SLC35F3: variants seen among roughly 807,000 people sequenced by gnomAD.
The protein encoded by SLC35F3 is solute carrier family 35 member F3, also known as putative thiamine transporter SLC35F3.
SLC35F3 carries 25 observed loss-of-function variants against 49.9 expected under a neutral mutation model. That is an observed-to-expected ratio of 0.50 (90% CI 0.37 to 0.70). The LOEUF (loss-of-function observed/expected upper bound fraction) is 0.70. Ranked by LOEUF, SLC35F3 falls within the 30% of genes least tolerant of loss-of-function variation. SLC35F3 has a pLI of 0.00. For synonymous variants in SLC35F3, 275 were observed against 265.4 expected, an observed-to-expected ratio of 1.04 and a Z score of -0.35; for missense variants, 525 against 639.8, an observed-to-expected ratio of 0.82 and a Z score of 1.94.
At chr1:234,138,217 A>T (rs1347505173) in intron 2 of SLC35F3, among the ~76,000 whole-genome samples, 1 of 152,188 alleles carries the variant, frequency 6.6e-6, no homozygotes, top group Non-Finnish European at 1.5e-5. Flanking sequence ...GCATATTGTC[A>T]ATTTTGTATG....
intron 2 of SLC35F3, among the ~76,000 whole-genome samples, chr1:234,004,510 A>C (rs1452387583): frequency 6.6e-6 from 1 of 152,126 alleles, no homozygotes; most frequent in African/African-American, 2.4e-5. Flanking sequence ...GGGGGTGATA[A>C]GGGGAGTGGG....
chr1:234,024,453 A>C (rs1237604215), intron 2 of SLC35F3, among the ~76,000 whole-genome samples: 1 of 152,196 alleles, frequency 6.6e-6, no homozygotes, highest in Non-Finnish European at 1.5e-5. Context: ...TCTGTTTTCT[A>C]TTCCCTGAAA....
intron 2 of SLC35F3, among the ~76,000 whole-genome samples, chr1:234,008,784 C>T (rs1327807472): frequency 6.6e-6 from 1 of 152,214 alleles, no homozygotes; most frequent in Non-Finnish European, 1.5e-5. Flanking sequence ...TGTCACCCAG[C>T]CCCTCAGGAC....
At chr1:234,312,003 G>A (rs759900420) in intron 4 of SLC35F3, among the ~76,000 whole-genome samples, 1 of 152,204 alleles carries the variant, frequency 6.6e-6, no homozygotes, top group African/African-American at 2.4e-5. Flanking sequence ...TCAACAAATG[G>A]TATCTTTTCT....
At chr1:234,049,585 GAAGCCC>G (rs750891222) in intron 2 of SLC35F3, among the ~76,000 whole-genome samples, 14 of 152,216 alleles carry the variant, frequency 9.2e-5, no homozygotes, top group Non-Finnish European at 1.9e-4. Flanking sequence ...TTTTATTAGG[GAAGCCC>G]AAGCTAATAC....
chr1:234,020,983 C>A (rs1415637630), intron 2 of SLC35F3, among the ~76,000 whole-genome samples: 1 of 152,126 alleles, frequency 6.6e-6, no homozygotes, highest in African/African-American at 2.4e-5. Context: ...CTCAGAAGGC[C>A]GCATAAAGGC....
intron 2 of SLC35F3, among the ~76,000 whole-genome samples, chr1:234,106,438 G>A (rs765884795): frequency 1.3e-5 from 2 of 152,230 alleles, no homozygotes; most frequent in Non-Finnish European, 2.9e-5. Context: ...TCTGGAGGCT[G>A]GAAGACCAAG....
chr1:233,941,947 G>GTTTTT (rs1181871213), intron 2 of SLC35F3, among the ~76,000 whole-genome samples: 2 of 104,734 alleles, frequency 1.9e-5, no homozygotes, highest in Non-Finnish European at 3.9e-5. Context: ...TCTTGGGGTT[G>GTTTTT]TTTTTTGTTT....
chr1:233,963,552 C>T (rs565950719), intron 2 of SLC35F3, among the ~76,000 whole-genome samples: 9 of 152,148 alleles, frequency 5.9e-5, no homozygotes, highest in East Asian at 1.9e-4. Flanking sequence ...CTGCCCACCT[C>T]GGCCTCCCAA....
chr1:234,061,748 C>CTATTTT (rs1449830972), intron 2 of SLC35F3, among the ~76,000 whole-genome samples: 1 of 152,094 alleles, frequency 6.6e-6, no homozygotes, highest in Non-Finnish European at 1.5e-5. Flanking sequence ...TTGAGTCCCT[C>CTATTTT]TACTAAATTT....
At chr1:234,086,328 G>C (rs186821495) in intron 2 of SLC35F3, among the ~76,000 whole-genome samples, 23 of 152,174 alleles carry the variant, frequency 1.5e-4, no homozygotes, top group Non-Finnish European at 3.2e-4. Context: ...CTGAATGTTG[G>C]GTGAGACTAT....
intron 2 of SLC35F3, among the ~76,000 whole-genome samples, chr1:234,131,949 T>C (rs1420874184): frequency 1.3e-5 from 2 of 152,220 alleles, no homozygotes; most frequent in African/African-American, 4.8e-5. Context: ...TATTCTAGAC[T>C]ATGTATAAAC....
At chr1:233,981,023 T>C (rs1166651379) in intron 2 of SLC35F3, among the ~76,000 whole-genome samples, 1 of 152,218 alleles carries the variant, frequency 6.6e-6, no homozygotes, top group East Asian at 1.9e-4. Context: ...TGAGTTTTTA[T>C]CTTTTAATTT....
At chr1:234,047,389 G>A (rs1216074295) in intron 2 of SLC35F3, among the ~76,000 whole-genome samples, 1 of 152,158 alleles carries the variant, frequency 6.6e-6, no homozygotes, top group South Asian at 2.1e-4. Context: ...TTCAGTGTGG[G>A]TGGACCCCAT....
At chr1:234,233,507 C>A (rs1667416661) in intron 3 of SLC35F3, among the ~76,000 whole-genome samples, 1 of 152,230 alleles carries the variant, frequency 6.6e-6, no homozygotes, top group African/African-American at 2.4e-5. Flanking sequence ...AGACTGTCAC[C>A]ACCAGCCACT....
At chr1:234,247,328 T>C (rs1188796947) in intron 3 of SLC35F3, among the ~76,000 whole-genome samples, 1 of 152,254 alleles carries the variant, frequency 6.6e-6, no homozygotes, top group Non-Finnish European at 1.5e-5. Context: ...GGCTGGTCCA[T>C]TGTTTGATAG....
At chr1:234,145,415 G>A (rs968842861) in intron 2 of SLC35F3, among the ~76,000 whole-genome samples, 6 of 151,696 alleles carry the variant, frequency 4.0e-5, no homozygotes, top group Admixed American at 2.6e-4. Context: ...TTCTGAAAAA[G>A]CTATTTTAAT....
Position 234,072,988 on chromosome 1 carries a change from G to C in SLC35F3, c.284-158429G>C, listed in dbSNP as rs371015542. Among the ~76,000 whole-genome samples, 11 of 152,188 alleles carry C rather than the reference G, an allele frequency of 7.2e-5. No individual in the cohort carries two copies. In the East Asian group the frequency reaches 7.7e-4, roughly 11 times the overall value. On this transcript the variant is annotated intron_variant, in intron 2 of 7. Coordinates refer to ENST00000366618, the MANE Select transcript of SLC35F3 (RefSeq NM_173508.4). ...AGGCGTGGGCACTGGGAGACCTGGC[G>C]AGGGTGTTTGTGATAACCCAGTGGA...
At chr1:234,198,348 T>G (rs1037904500) in intron 2 of SLC35F3, among the ~76,000 whole-genome samples, 2 of 152,262 alleles carry the variant, frequency 1.3e-5, no homozygotes. Context: ...TTATGCATAA[T>G]GCTGCTCTGA....
Sources: gnomAD v4.1 joint callset for allele counts (sites outside exome capture counted in the v4.1 genomes callset) on GRCh38, gnomAD v4.1.1 for gene constraint, MANE v1.5 for transcripts, NCBI Gene and HGNC (gene_info 2026-07-23, HGNC 2026-07-21) for gene names.